Variants in KCTD17 observed in about 807,000 individuals in gnomAD.
KCTD17 encodes BTB/POZ domain-containing protein KCTD17.
In KCTD17, 20 loss-of-function variants were observed where a neutral mutation model predicts 41.5. That is an observed-to-expected ratio of 0.48 (90% CI 0.34 to 0.70). The LOEUF (loss-of-function observed/expected upper bound fraction) is 0.70, where lower values mean the gene tolerates loss of function less well. Ranked by LOEUF, KCTD17 falls within the 30% of genes least tolerant of loss-of-function variation. KCTD17 has a pLI of 0.01. For missense variants in KCTD17, 317 were observed against 427.2 expected (o/e 0.74, Z 2.27); for synonymous variants, 156 against 173.8 (o/e 0.90, Z 0.80).
At chr22:37,056,447 G>T (rs781410115) in intron 3 of KCTD17, 36 bp downstream of exon 3, 1 of 1,537,764 alleles carries the variant, frequency 6.5e-7, no homozygotes. Flanking sequence ...GCCAGGGCAG[G>T]GGCCAGTGGG....
At chr22:37,060,597 G>A (rs751540747) in intron 5 of KCTD17, among the ~76,000 whole-genome samples, 3 of 152,148 alleles carry the variant, frequency 2.0e-5, no homozygotes, top group Non-Finnish European at 2.9e-5. Flanking sequence ...GGCTGACCCC[G>A]GAGCATGCCC....
At position 37,063,085 on chromosome 22, in the gene KCTD17, G is replaced by A. The variant is rs1925979684; in HGVS notation, c.*491G>A. 1 of 155,542 alleles carries A rather than the reference G, an allele frequency of 6.4e-6. No individual in the cohort carries two copies. Among genetic ancestry groups the A allele is most frequent in the African/African-American group, 2.4e-5 (1 of 41,550 alleles). The allele number at this position is 155,542 out of a possible 1,614,324, so 9.6% of individuals were successfully genotyped here. On this transcript the variant is annotated 3_prime_UTR_variant, in exon 9 of 9. Coordinates refer to ENST00000403888, the MANE Select transcript of KCTD17 (RefSeq NM_001282684.2). The surrounding 1 kb of genome is among the most constrained non-coding windows in gnomAD (Gnocchi z 4.6). ...GCATAACACTGTGTTTGCAAATGGAGATTCAGGTATTGGGGATGCAGGTTG... is the reference window on the plus strand; with the variant it reads ...GCATAACACTGTGTTTGCAAATGGAAATTCAGGTATTGGGGATGCAGGTTG...
chr22:37,058,581 T>G (rs1925412964), intron 4 of KCTD17, among the ~76,000 whole-genome samples: 1 of 152,202 alleles, frequency 6.6e-6, no homozygotes, highest in Non-Finnish European at 1.5e-5. Flanking sequence ...CTCCACCCCT[T>G]CCTAGCTGTG....
At chr22:37,057,940 A>G (rs1238608859) in intron 4 of KCTD17, among the ~76,000 whole-genome samples, 1 of 152,256 alleles carries the variant, frequency 6.6e-6, no homozygotes, top group Non-Finnish European at 1.5e-5. Context: ...CGCAGGGGAC[A>G]TGCCCAGTGG....
intron 8 of KCTD17, chr22:37,062,002 A>T (rs1485955223): frequency 1.0e-6 from 1 of 985,278 alleles, no homozygotes; most frequent in African/African-American, 1.7e-5. Context: ...AGAGTGGCTT[A>T]AGGATTGCAG....
chr22:37,056,766 C>A (rs1925171724), intron 3 of KCTD17, among the ~76,000 whole-genome samples: 1 of 152,136 alleles, frequency 6.6e-6, no homozygotes, highest in Non-Finnish European at 1.5e-5. Context: ...GTACAGGGTG[C>A]CCTGCAGAGG....
Position 37,062,747 on chromosome 22 carries a change from G to C in KCTD17, c.*153G>C, listed in dbSNP as rs944023896. The C allele has an allele frequency of 1.2e-5, 17 of 1,454,602 alleles. No homozygotes were observed. In the Admixed American group the frequency reaches 2.9e-4, roughly 25 times the overall value. The allele number at this position is 1,454,602 out of a possible 1,614,324, so 90.1% of individuals were successfully genotyped here. A position where few individuals can be genotyped will look rare whatever the true frequency, so the allele number is the denominator to read the frequency against. Reference sequence around the variant, plus strand: ...CCCCCTGGGACCTCTTAAGGCCCAAGGTGGGCCCCAGGACCTCTGGGCAGA... The same window carrying C: ...CCCCCTGGGACCTCTTAAGGCCCAACGTGGGCCCCAGGACCTCTGGGCAGA... On this transcript the variant is annotated 3_prime_UTR_variant, in exon 9 of 9. Transcript: ENST00000403888.
At chr22:37,058,847 G>A (rs142445922) in intron 4 of KCTD17, among the ~76,000 whole-genome samples, 3 of 152,300 alleles carry the variant, frequency 2.0e-5, no homozygotes, top group East Asian at 1.9e-4. Context: ...ACCACCTGTC[G>A]TCCCACCTCT....
At chr22:37,062,402 C>G in intron 8 of KCTD17, 123 bp from the exon 9 acceptor site, 1 of 1,383,484 alleles carries the variant, frequency 7.2e-7, no homozygotes, top group Non-Finnish European at 9.5e-7. Flanking sequence ...AACTGCCTCT[C>G]TCTCTCTCCC....
chr22:37,056,488 C>A, intron 3 of KCTD17, 77 bp downstream of exon 3: 3 of 1,251,592 alleles, frequency 2.4e-6, no homozygotes, highest in Non-Finnish European at 3.4e-6. Context: ...GGGCGGGAAG[C>A]AGAGGAGGTT....
intron 1 of KCTD17, chr22:37,052,638 G>A (rs185458887): frequency 2.1e-5 from 10 of 470,954 alleles, no homozygotes; most frequent in African/African-American, 4.0e-5. Flanking sequence ...TCTCTGTAGA[G>A]TCGCATGGAA....
In KCTD17 at chr22:37,061,472, G is replaced by A. The variant is rs955655339; in HGVS notation, c.785-67G>A. 1.1e-4 allele frequency: 176 copies of A among 1,543,392 alleles called. No individual in the cohort carries two copies. Among genetic ancestry groups the A allele is most frequent in the Non-Finnish European group, 1.4e-4 (163 of 1,148,624 alleles). ...CCCTGCCGGGCACCTCTGAGACTGGGCCCTGGCTGCAGGCCCTGCCCCCCC... is the reference window on the plus strand; with the variant it reads ...CCCTGCCGGGCACCTCTGAGACTGGACCCTGGCTGCAGGCCCTGCCCCCCC... On this transcript the variant is annotated intron_variant, in intron 7 of 8. Coordinates refer to ENST00000403888, the MANE Select transcript of KCTD17 (RefSeq NM_001282684.2). The surrounding 1 kb of genome is among the most constrained non-coding windows in gnomAD (Gnocchi z 6.6).
chr22:37,059,556 G>A (rs1925537167), intron 5 of KCTD17, 118 bp downstream of exon 5: 1 of 1,223,358 alleles, frequency 8.2e-7, no homozygotes, highest in Non-Finnish European at 1.1e-6. Context: ...CACCGCCCAT[G>A]CACAACCCCA....
In KCTD17 at chr22:37,061,678, T is replaced by G; in HGVS notation, c.875+49T>G. On this transcript the variant is annotated intron_variant, in intron 8 of 8. Transcript: ENST00000403888. This position sits in a 1 kb window ranked among gnomAD's most constrained non-coding sequence, Gnocchi z 6.6. ...GGGAGGGGTGGAGCGAGGAGGGTGC[T>G]CATCTCTTGATCCTTGGACTTGAGC... is the stretch of plus-strand genomic sequence containing the variant. 6.5e-7 allele frequency: 1 copy of G among 1,546,392 alleles called. No individual in the cohort carries two copies. The highest frequency in any genetic ancestry group is 8.7e-7 in the Non-Finnish European group (1 of 1,151,278).
rs111518907 is a variant in KCTD17 at position 37,061,467 on chromosome 22, A to G, written c.785-72A>G. The G allele has an allele frequency of 1.4e-3, 2,225 of 1,535,842 alleles. 25 individuals are homozygous for G. The African/African-American group carries it at 0.023, about 16-fold the overall frequency. On this transcript the variant is annotated intron_variant, in intron 7 of 8. Transcript: ENST00000403888. This position sits in a 1 kb window ranked among gnomAD's most constrained non-coding sequence, Gnocchi z 6.6. ...ACTAACCCTGCCGGGCACCTCTGAGACTGGGCCCTGGCTGCAGGCCCTGCC... is the reference window on the plus strand; with the variant it reads ...ACTAACCCTGCCGGGCACCTCTGAGGCTGGGCCCTGGCTGCAGGCCCTGCC...
chr22:37,054,972 C>A (rs1173956379), intron 2 of KCTD17: 1 of 152,184 alleles, frequency 6.6e-6, no homozygotes, highest in African/African-American at 2.4e-5. Flanking sequence ...TTCTCTTGGT[C>A]CTAGAGGCTA....
chr22:37,056,438 C>T (rs1199447171), intron 3 of KCTD17, 27 bp downstream of exon 3: 1 of 1,581,456 alleles, frequency 6.3e-7, no homozygotes, highest in Non-Finnish European at 8.7e-7. Context: ...GCACACACGG[C>T]CAGGGCAGGG....
Position 37,061,495 on chromosome 22 carries a change from C to G in KCTD17, c.785-44C>G, listed in dbSNP as rs201608256. Reference sequence around the variant, plus strand: ...GGGCCCTGGCTGCAGGCCCTGCCCCCCCTCCTCTCCTCCCGGCCTCCTCCT... The same window carrying G: ...GGGCCCTGGCTGCAGGCCCTGCCCCGCCTCCTCTCCTCCCGGCCTCCTCCT... On this transcript the variant is annotated intron_variant, in intron 7 of 8. Transcript: ENST00000403888. This position sits in a 1 kb window ranked among gnomAD's most constrained non-coding sequence, Gnocchi z 6.6. The G allele has an allele frequency of 3.7e-5, 59 of 1,575,810 alleles. No individual in the cohort carries two copies. Among genetic ancestry groups the G allele is most frequent in the Admixed American group, 1.7e-4 (10 of 57,234 alleles).
chr22:37,060,354 C>T (rs1230236375), intron 5 of KCTD17, among the ~76,000 whole-genome samples: 1 of 151,324 alleles, frequency 6.6e-6, no homozygotes, highest in Non-Finnish European at 1.5e-5. Context: ...CAGAGCGAGA[C>T]TGCTCCTTCT....
Sources: allele counts gnomAD v4.1 joint callset (sites outside exome capture counted in the v4.1 genomes callset), GRCh38; gene constraint gnomAD v4.1.1; non-coding constraint Gnocchi (gnomAD v3.1); transcripts MANE v1.5; gene names NCBI Gene and HGNC (gene_info 2026-07-23, HGNC 2026-07-21).